The following PTPRO variants were observed in gnomAD, a reference collection of about 807,000 sequenced individuals.
The protein encoded by PTPRO is protein tyrosine phosphatase receptor type O.
A neutral mutation model predicts 145.2 loss-of-function variants in PTPRO; 62 were observed. That is an observed-to-expected ratio of 0.43 (90% confidence interval 0.35 to 0.53). The LOEUF (loss-of-function observed/expected upper bound fraction) is 0.53. Among genes scored for constraint, PTPRO ranks in the 20% least tolerant of loss-of-function variants. The pLI is 0.01. For missense variants in PTPRO, 1,345 were observed against 1,482.7 expected (o/e 0.91, Z 1.53); for synonymous variants, 565 against 514.7 (o/e 1.10, Z -1.32).
In PTPRO at chr12:15,589,446, C is replaced by G. The variant is rs768404752; in HGVS notation, c.3411-9C>G. On this transcript the variant is annotated splice_polypyrimidine_tract_variant and intron_variant, in intron 24 of 26. Coordinates refer to ENST00000281171, the MANE Select transcript of PTPRO (RefSeq NM_030667.3). ...CTGAATAATATGCCATCGGAACATTCTTTTGCAGTGCTGGCGTGGGACGGA... is the reference window on the plus strand; with the variant it reads ...CTGAATAATATGCCATCGGAACATTGTTTTGCAGTGCTGGCGTGGGACGGA... The G allele has an allele frequency of 1.2e-6, 2 of 1,613,750 alleles. No homozygotes were observed. Among genetic ancestry groups the G allele is most frequent in the Admixed American group, 1.7e-5 (1 of 59,988 alleles).
chr12:15,547,196 C>T (rs979138676), intron 13 of PTPRO, among the ~76,000 whole-genome samples: 2 of 152,096 alleles, frequency 1.3e-5, no homozygotes, highest in East Asian at 1.9e-4. Context: ...TTAAAAGAAA[C>T]GTGCATATCT....
At chr12:15,589,619 A>C (rs760109015) in intron 25 of PTPRO, 29 bp downstream of exon 25, 7 of 1,613,152 alleles carry the variant, frequency 4.3e-6, no homozygotes, top group Non-Finnish European at 5.9e-6. Flanking sequence ...TGTATTTTTA[A>C]ATTTTCCCTG....
intron 1 of PTPRO, among the ~76,000 whole-genome samples, chr12:15,426,550 A>G (rs1327353837): frequency 6.6e-6 from 1 of 152,056 alleles, no homozygotes; most frequent in Non-Finnish European, 1.5e-5. Context: ...TTCCTAGACT[A>G]GTTATTCCAT....
At chr12:15,339,765 C>T (rs781156231) in intron 1 of PTPRO, among the ~76,000 whole-genome samples, 3 of 152,112 alleles carry the variant, frequency 2.0e-5, no homozygotes, top group Non-Finnish European at 4.4e-5. Flanking sequence ...AATTTGCCAT[C>T]GTTTACTGTA....
chr12:15,337,117 C>T (rs1283260995), intron 1 of PTPRO, among the ~76,000 whole-genome samples: 1 of 152,080 alleles, frequency 6.6e-6, no homozygotes, highest in African/African-American at 2.4e-5. Flanking sequence ...AAAACTGACT[C>T]AAGAAGAAAC....
chr12:15,591,893 A>G (rs1003947989), intron 25 of PTPRO, among the ~76,000 whole-genome samples: 1 of 151,942 alleles, frequency 6.6e-6, no homozygotes, highest in African/African-American at 2.4e-5. Flanking sequence ...AATTAATTAA[A>G]ATTAATTATG....
intron 1 of PTPRO, among the ~76,000 whole-genome samples, chr12:15,416,276 T>C (rs2136320213): frequency 6.6e-6 from 1 of 151,454 alleles, no homozygotes; most frequent in South Asian, 2.1e-4. Context: ...ATGTCATGAT[T>C]AATGGTCAAA....
intron 1 of PTPRO, among the ~76,000 whole-genome samples, chr12:15,386,768 C>T (rs1189111575): frequency 6.6e-6 from 1 of 152,274 alleles, no homozygotes; most frequent in East Asian, 1.9e-4. Context: ...GGAATTCACA[C>T]ACAGGTCATA....
rs557116504 is a variant in PTPRO at position 15,371,879 on chromosome 12, G to A, written c.75+49078G>A. ...TCACTCGGCACTTCTCCTCCTGGCC[G>A]CCTTGTGAAGAAGGTGCCTTATTTC... On this transcript the variant is annotated intron_variant, in intron 1 of 26. Transcript: ENST00000281171. Among the ~76,000 whole-genome samples, 24 of 152,134 alleles carry A rather than the reference G, an allele frequency of 1.6e-4. No individual in the cohort carries two copies. In the East Asian group the frequency reaches 4.5e-3, roughly 28 times the overall value.
At chr12:15,357,580 T>A (rs1307891920) in intron 1 of PTPRO, among the ~76,000 whole-genome samples, 3 of 151,620 alleles carry the variant, frequency 2.0e-5, no homozygotes, top group Non-Finnish European at 4.4e-5. Context: ...GCAAAGGACA[T>A]GAACAGACAC....
chr12:15,407,287 T>C (rs1939673914), intron 1 of PTPRO, among the ~76,000 whole-genome samples: 1 of 152,224 alleles, frequency 6.6e-6, no homozygotes, highest in Non-Finnish European at 1.5e-5. Context: ...GTGGCTGCTA[T>C]GTGAAATTCA....
chr12:15,572,428 T>C (rs1007101783), intron 19 of PTPRO, among the ~76,000 whole-genome samples: 7 of 152,224 alleles, frequency 4.6e-5, no homozygotes, highest in African/African-American at 1.7e-4. Context: ...GATAATGTAA[T>C]ATTACAAAGA....
At chr12:15,549,376 G>A (rs1943392902) in intron 14 of PTPRO, 150 bp downstream of exon 14, 1 of 526,450 alleles carries the variant, frequency 1.9e-6, no homozygotes, top group Admixed American at 4.0e-5. Context: ...TAGCTATGGA[G>A]TTAGAGAAAG....
chr12:15,546,432 C>T (rs780265312), intron 12 of PTPRO, 137 bp from the exon 13 acceptor site: 9 of 1,475,988 alleles, frequency 6.1e-6, no homozygotes, highest in Non-Finnish European at 7.1e-6. Context: ...GGACATATTT[C>T]AAAGGCAATA....
chr12:15,551,059 G>A (rs1943445219), intron 14 of PTPRO, among the ~76,000 whole-genome samples: 2 of 152,152 alleles, frequency 1.3e-5, no homozygotes, highest in African/African-American at 4.8e-5. Flanking sequence ...TGTGTTAAGT[G>A]CTTCAGCAGA....
intron 1 of PTPRO, among the ~76,000 whole-genome samples, chr12:15,442,074 T>G (rs1940782905): frequency 1.3e-5 from 2 of 152,102 alleles, no homozygotes; most frequent in Admixed American, 6.6e-5. Flanking sequence ...CCAACATTCC[T>G]GATGAACATA....
intron 2 of PTPRO, among the ~76,000 whole-genome samples, chr12:15,493,754 C>T (rs1250899657): frequency 6.6e-6 from 1 of 152,162 alleles, no homozygotes; most frequent in Non-Finnish European, 1.5e-5. Context: ...TGAGGCTAGA[C>T]TATCTGACAC....
chr12:15,562,788 G>T (rs1385317630), intron 17 of PTPRO, among the ~76,000 whole-genome samples: 2 of 150,344 alleles, frequency 1.3e-5, no homozygotes, highest in Admixed American at 1.3e-4. Context: ...CTGTACTCAG[G>T]TATTTATCTG....
At chr12:15,570,462 G>A (rs1440361618) in intron 19 of PTPRO, among the ~76,000 whole-genome samples, 1 of 152,116 alleles carries the variant, frequency 6.6e-6, no homozygotes, top group Non-Finnish European at 1.5e-5. Flanking sequence ...TGGTCCTGGT[G>A]TGGAGACACT....
Sources: gnomAD v4.1 joint callset for allele counts (sites outside exome capture counted in the v4.1 genomes callset) on GRCh38, gnomAD v4.1.1 for gene constraint, MANE v1.5 for transcripts, NCBI Gene and HGNC (gene_info 2026-07-23, HGNC 2026-07-21) for gene names.